Variants in MYO16 observed in about 807,000 individuals in gnomAD.
The protein encoded by MYO16 is unconventional myosin-XVI.
A neutral mutation model predicts 205.3 loss-of-function variants in MYO16; 94 were observed. The ratio of observed to expected loss-of-function variants is 0.46; its 90% CI spans 0.39 to 0.54. The LOEUF (loss-of-function observed/expected upper bound fraction) is 0.54, where lower values mean the gene tolerates loss of function less well. MYO16 is among the 20% of genes least tolerant of loss of function. The probability of loss-of-function intolerance (pLI) is 0.00; values close to 1 mark genes in which losing one functional copy is unlikely to be tolerated. For missense variants in MYO16, 2,315 were observed against 2,387.5 expected (o/e 0.97, Z 0.63); for synonymous variants, 988 against 954.0 (o/e 1.04, Z -0.66).
At chr13:108,706,489 G>A (rs1389906592) in intron 2 of MYO16, among the ~76,000 whole-genome samples, 1 of 152,096 alleles carries the variant, frequency 6.6e-6, no homozygotes, top group African/African-American at 2.4e-5. Context: ...AAGATATTTA[G>A]CCAGTGATTC....
At chr13:108,837,282 G>A (rs1055838813) in intron 9 of MYO16, among the ~76,000 whole-genome samples, 1 of 152,092 alleles carries the variant, frequency 6.6e-6, no homozygotes, top group African/African-American at 2.4e-5. Flanking sequence ...ATGATTGTAA[G>A]TTTCCTGAGG....
intron 20 of MYO16, among the ~76,000 whole-genome samples, chr13:108,967,202 AAG>A (rs1036909087): frequency 7.3e-5 from 11 of 151,334 alleles, no homozygotes; most frequent in African/African-American, 2.7e-4. Context: ...TAAATTTGGC[AAG>A]AGAGAATAAA....
chr13:108,564,798 G>A, the MYO16 span, among the ~76,000 whole-genome samples: 1 of 152,152 alleles, frequency 6.6e-6, no homozygotes, highest in Non-Finnish European at 1.5e-5. Context: ...TTATATTTAA[G>A]TCTTTAATCT....
intron 27 of MYO16, among the ~76,000 whole-genome samples, chr13:109,088,930 G>C (rs1233197828): frequency 6.6e-6 from 1 of 152,132 alleles, no homozygotes; most frequent in African/African-American, 2.4e-5. Flanking sequence ...CCTTCCTCTG[G>C]GTTTCTGCCA....
intron 32 of MYO16, among the ~76,000 whole-genome samples, chr13:109,148,747 C>T (rs572303749): frequency 1.1e-4 from 16 of 152,296 alleles, no homozygotes; most frequent in Admixed American, 2.0e-4. Flanking sequence ...AGGAGATGTG[C>T]ACACACGGCA....
intron 14 of MYO16, among the ~76,000 whole-genome samples, chr13:108,890,102 G>GAAT (rs1555309571): frequency 3.0e-5 from 2 of 65,708 alleles, no homozygotes; most frequent in African/African-American, 1.1e-4. Context: ...GCTAATTTTT[G>GAAT]TATTTTTTTT....
At chr13:109,160,482 A>G (rs1330371774) in intron 32 of MYO16, among the ~76,000 whole-genome samples, 2 of 152,196 alleles carry the variant, frequency 1.3e-5, no homozygotes, top group African/African-American at 4.8e-5. Context: ...TCACAGAGAA[A>G]TCTTGTTAAT....
intron 21 of MYO16, among the ~76,000 whole-genome samples, chr13:108,999,249 G>C (rs1193767004): frequency 6.6e-6 from 1 of 152,148 alleles, no homozygotes; most frequent in East Asian, 1.9e-4. Context: ...ATTATTTTCA[G>C]TTGTTTCACA....
At chr13:108,904,163 A>G (rs1449369114) in intron 15 of MYO16, among the ~76,000 whole-genome samples, 1 of 152,184 alleles carries the variant, frequency 6.6e-6, no homozygotes, top group African/African-American at 2.4e-5. Flanking sequence ...GTATATAAGT[A>G]AGGACTTTCT....
intron 4 of MYO16, among the ~76,000 whole-genome samples, chr13:108,752,630 A>G (rs916605397): frequency 1.2e-4 from 18 of 148,788 alleles, no homozygotes; most frequent in African/African-American, 4.4e-4. Flanking sequence ...TATGGCCTTT[A>G]CTTTTTTTTT....
At chr13:109,184,324 G>A (rs894548678) in intron 34 of MYO16, among the ~76,000 whole-genome samples, 1 of 152,066 alleles carries the variant, frequency 6.6e-6, no homozygotes, top group Admixed American at 6.5e-5. Context: ...AAAAATGAAG[G>A]TAGTAAATTA....
At chr13:109,002,421 T>A (rs1005205498) in intron 21 of MYO16, among the ~76,000 whole-genome samples, 2 of 152,244 alleles carry the variant, frequency 1.3e-5, no homozygotes, top group African/African-American at 4.8e-5. Context: ...GCAATAAGTT[T>A]CCGTTCCTAA....
chr13:109,164,549 A>G (rs1457413220), intron 32 of MYO16, among the ~76,000 whole-genome samples: 1 of 152,180 alleles, frequency 6.6e-6, no homozygotes, highest in Non-Finnish European at 1.5e-5. Context: ...GATTGCCTTA[A>G]TTTATTTAAA....
chr13:108,602,101 GAAAAAA>G (rs11478461), intron 1 of MYO16, among the ~76,000 whole-genome samples: 40 of 118,038 alleles, frequency 3.4e-4, no homozygotes, highest in African/African-American at 1.2e-3. Flanking sequence ...AGGATATGAT[GAAAAAA>G]AAAAAAAAAA....
At chr13:108,773,744 G>A (rs9521032) in intron 4 of MYO16, among the ~76,000 whole-genome samples, 1 of 151,786 alleles carries the variant, frequency 6.6e-6, no homozygotes, top group South Asian at 2.1e-4. Context: ...AGGTACATAG[G>A]GGTTCTTTGC....
intron 16 of MYO16, among the ~76,000 whole-genome samples, chr13:108,941,992 T>C (rs891318619): frequency 6.6e-6 from 1 of 152,252 alleles, no homozygotes; most frequent in African/African-American, 2.4e-5. Flanking sequence ...AGAGTTAATT[T>C]AATTATGCAT....
At chr13:109,120,831 C>T (rs1188747782) in intron 29 of MYO16, among the ~76,000 whole-genome samples, 6 of 152,076 alleles carry the variant, frequency 3.9e-5, no homozygotes. Flanking sequence ...AGGAGGATCC[C>T]TTGAGGCCAG....
chr13:109,050,474 T>C (rs117196651), intron 24 of MYO16, among the ~76,000 whole-genome samples: 5,266 of 152,264 alleles, frequency 0.035, 131 homozygotes, highest in South Asian at 0.056. Context: ...TCTTCAGCTT[T>C]TTCTAACATA....
At chr13:108,611,985 T>C (rs4772984) in intron 1 of MYO16, among the ~76,000 whole-genome samples, 47 of 143,024 alleles carry the variant, frequency 3.3e-4, no homozygotes, top group Non-Finnish European at 4.7e-4. Context: ...TTTTTTTTTT[T>C]TTTTTTTTGA....
Sources: allele counts gnomAD v4.1 joint callset (sites outside exome capture counted in the v4.1 genomes callset), GRCh38; gene constraint gnomAD v4.1.1; transcripts MANE v1.5; gene names NCBI Gene and HGNC (gene_info 2026-07-23, HGNC 2026-07-21).